Variants in NAMPT observed in about 807,000 individuals in gnomAD.
The protein encoded by NAMPT is nicotinamide phosphoribosyltransferase.
Under a neutral mutation model 58.7 loss-of-function variants are expected in NAMPT, and 7 were observed. The ratio of observed to expected loss-of-function variants is 0.12; its 90% CI spans 0.07 to 0.22. The LOEUF (loss-of-function observed/expected upper bound fraction) is 0.22, where lower values mean the gene tolerates loss of function less well. NAMPT is among the 10% of genes least tolerant of loss of function. The pLI is 1.00. For missense variants in NAMPT, 271 were observed against 567.9 expected (o/e 0.48, Z 5.31); for synonymous variants, 145 against 198.1 (o/e 0.73, Z 2.25).
chr7:106,253,017 C>T lies in NAMPT; in HGVS notation c.1365G>A (p.Gln455=), dbSNP rs150144276. 51 of 1,612,896 alleles carry T rather than the reference C, an allele frequency of 3.2e-5. No individual in the cohort carries two copies. Among genetic ancestry groups the T allele is most frequent in the Non-Finnish European group, 4.2e-5 (49 of 1,179,250 alleles). Residue 455 remains glutamine (Q), a splice_region_variant and synonymous_variant, in exon 10 of 11, where the codon CAG becomes CAA. Transcript: ENST00000222553. ...EGKGDLEEYG[Q]DLLHTVFKNG... ...AAAACCAATCAGCATAGATACATAC[C>T]TGACCATATTCCTCAAGGTCTCCTT...
chr7:106,256,516 C>T (rs913526873), intron 8 of NAMPT, among the ~76,000 whole-genome samples: 8 of 152,208 alleles, frequency 5.3e-5, no homozygotes, highest in African/African-American at 1.9e-4. Context: ...ACATATTTTT[C>T]ATACCAATGA....
At chr7:106,268,810 T>G (rs1792476324) in intron 5 of NAMPT, among the ~76,000 whole-genome samples, 1 of 152,216 alleles carries the variant, frequency 6.6e-6, no homozygotes, top group African/African-American at 2.4e-5. Context: ...TATTATCTCC[T>G]CAAAGAGACC....
chr7:106,264,785 T>C (rs1394107743), intron 6 of NAMPT, among the ~76,000 whole-genome samples: 2 of 152,104 alleles, frequency 1.3e-5, no homozygotes, highest in African/African-American at 4.8e-5. Flanking sequence ...AGCACATTCA[T>C]TTATTATAAA....
At chr7:106,283,202 A>G (rs1469933780) in intron 1 of NAMPT, among the ~76,000 whole-genome samples, 5 of 152,216 alleles carry the variant, frequency 3.3e-5, no homozygotes. Context: ...GAAAGTTGAC[A>G]GAAGTAAAAT....
chr7:106,250,217 T>C lies in NAMPT; in HGVS notation c.*866A>G, dbSNP rs1792083317. On this transcript the variant is annotated 3_prime_UTR_variant, in exon 11 of 11. Transcript: ENST00000222553. ...CTTTAAAATACACTACTTCCACTTT[T>C]GTAAGTATTTTACATTTATGTATAT... is the stretch of plus-strand genomic sequence containing the variant. 6.6e-6 allele frequency: 1 copy of C among 152,394 alleles called. No individual in the cohort carries two copies. The highest frequency in any genetic ancestry group is 1.5e-5 in the Non-Finnish European group (1 of 67,934). 9.4% of individuals were successfully genotyped at this position (152,394 alleles called of 1,614,324 possible).
rs1586007613 is a variant in NAMPT, at chr7:106,249,684, A to C, written c.*1399T>G. ...CATTTGGCTTCTATTGCAGCTGTTT[A>C]CCTTAGGCTGGAGTAGTGGGAAAGC... On this transcript the variant is annotated 3_prime_UTR_variant, in exon 11 of 11. Transcript: ENST00000222553. 1 of 152,018 alleles carries C rather than the reference A, an allele frequency of 6.6e-6. No homozygotes were observed. The highest frequency in any genetic ancestry group is 2.4e-5 in the African/African-American group (1 of 41,422). 9.4% of individuals were successfully genotyped at this position (152,018 alleles called of 1,614,324 possible).
chr7:106,263,204 C>T (rs572944711), intron 7 of NAMPT, 188 bp downstream of exon 7: 2 of 556,350 alleles, frequency 3.6e-6, no homozygotes, highest in African/African-American at 3.8e-5. Context: ...ATCCATAAGT[C>T]TTGGTATCCT....
At chr7:106,262,406 G>A (rs1344186555) in intron 7 of NAMPT, among the ~76,000 whole-genome samples, 1 of 152,010 alleles carries the variant, frequency 6.6e-6, no homozygotes, top group Non-Finnish European at 1.5e-5. Context: ...CTAACAAAGA[G>A]AAAATTCCCC....
chr7:106,268,643 C>A (rs1289275092), intron 5 of NAMPT, 43 bp from the exon 6 acceptor site: 1 of 1,467,044 alleles, frequency 6.8e-7, no homozygotes, highest in Admixed American at 1.7e-5. Flanking sequence ...CAGAAAGAAA[C>A]CCACATTAAT....
At chr7:106,281,494 A>G (rs150940206) in intron 1 of NAMPT, among the ~76,000 whole-genome samples, 1 of 152,334 alleles carries the variant, frequency 6.6e-6, no homozygotes, top group Non-Finnish European at 1.5e-5. Flanking sequence ...ATGGGATAAC[A>G]TACCCAAGGT....
In NAMPT at chr7:106,250,745, A is replaced by G. The variant is rs1414901369; in HGVS notation, c.*338T>C. On this transcript the variant is annotated 3_prime_UTR_variant, in exon 11 of 11. Coordinates refer to ENST00000222553, the MANE Select transcript of NAMPT (RefSeq NM_005746.3). ...ACAAGTTAAATATAAACATAAAGCAATCATGGTAATTTTATGCAAATCTGT... is the reference window on the plus strand; with the variant it reads ...ACAAGTTAAATATAAACATAAAGCAGTCATGGTAATTTTATGCAAATCTGT... 2.0e-5 allele frequency: 4 copies of G among 200,900 alleles called. No homozygotes were observed. The highest frequency in any genetic ancestry group is 4.7e-5 in the African/African-American group (2 of 42,810). The allele number at this position is 200,900 out of a possible 1,614,324, so 12.4% of individuals were successfully genotyped here. A position where few individuals can be genotyped will look rare whatever the true frequency, so the allele number is the denominator to read the frequency against.
At chr7:106,280,765 C>T (rs1258388980) in intron 1 of NAMPT, among the ~76,000 whole-genome samples, 1 of 151,948 alleles carries the variant, frequency 6.6e-6, no homozygotes, top group Non-Finnish European at 1.5e-5. Flanking sequence ...CATGGTGAAA[C>T]CCCGTCTCTA....
At chr7:106,278,529 G>A (rs900585033) in intron 1 of NAMPT, among the ~76,000 whole-genome samples, 1 of 152,112 alleles carries the variant, frequency 6.6e-6, no homozygotes, top group African/African-American at 2.4e-5. Flanking sequence ...AGAATCCAGG[G>A]ACTGATCCCA....
chr7:106,272,743 T>G, intron 3 of NAMPT, 85 bp from the exon 4 acceptor site: 1 of 1,457,300 alleles, frequency 6.9e-7, no homozygotes, highest in Non-Finnish European at 9.5e-7. Flanking sequence ...TTACGTTTTA[T>G]AGAAGCTAAA....
intron 3 of NAMPT, 60 bp downstream of exon 3, chr7:106,274,886 C>T (rs1792603857): frequency 1.8e-6 from 2 of 1,093,422 alleles, no homozygotes; most frequent in East Asian, 4.9e-5. Context: ...AATTCCTTTG[C>T]AAGAAGTTTT....
chr7:106,275,323 T>C (rs1036272069), intron 2 of NAMPT: 1 of 212,482 alleles, frequency 4.7e-6, no homozygotes, highest in Admixed American at 5.7e-5. Flanking sequence ...ATTAACTTAA[T>C]TTTTTTCTCT....
chr7:106,254,634 T>C (rs1014555632), intron 8 of NAMPT, 130 bp from the exon 9 acceptor site: 15 of 1,036,404 alleles, frequency 1.4e-5, no homozygotes, highest in Non-Finnish European at 2.1e-5. Context: ...TAAATAATTA[T>C]AGCCCGCATT....
intron 1 of NAMPT, among the ~76,000 whole-genome samples, chr7:106,278,125 C>T (rs1232950832): frequency 1.3e-5 from 2 of 152,074 alleles, no homozygotes; most frequent in Non-Finnish European, 2.9e-5. Flanking sequence ...GAACATAAAT[C>T]ATTTTTCCTG....
At chr7:106,280,944 A>G (rs1020532919) in intron 1 of NAMPT, among the ~76,000 whole-genome samples, 24 of 151,846 alleles carry the variant, frequency 1.6e-4, no homozygotes, top group African/African-American at 5.3e-4. Flanking sequence ...CCGTCTCAAA[A>G]AAAAAACAAA....
Sources: allele counts gnomAD v4.1 joint callset (sites outside exome capture counted in the v4.1 genomes callset), GRCh38; gene constraint gnomAD v4.1.1; transcripts MANE v1.5; gene names NCBI Gene and HGNC (gene_info 2026-07-23, HGNC 2026-07-21).